Variants in CDH13 observed in about 807,000 individuals in gnomAD.
CDH13 encodes the protein cadherin-13.
CDH13 carries 24 observed loss-of-function variants against 63.8 expected under a neutral mutation model. That is an observed-to-expected ratio of 0.38 (90% CI 0.27 to 0.53). CDH13 has a LOEUF of 0.53. Among genes scored for constraint, CDH13 ranks in the 20% least tolerant of loss-of-function variants. The pLI is 0.85. For missense variants in CDH13, 1,049 were observed against 903.1 expected (o/e 1.16, Z -2.07); for synonymous variants, 503 against 355.3 (o/e 1.42, Z -4.67).
intron 4 of CDH13, among the ~76,000 whole-genome samples, chr16:83,152,257 A>G (rs2037013982): frequency 6.6e-6 from 1 of 152,216 alleles, no homozygotes; most frequent in East Asian, 1.9e-4. Context: ...CTTGAAAACC[A>G]CCTAAATGAT....
intron 2 of CDH13, among the ~76,000 whole-genome samples, chr16:82,913,451 C>G (rs565275395): frequency 2.6e-4 from 40 of 152,134 alleles, no homozygotes; most frequent in Non-Finnish European, 5.3e-4. Flanking sequence ...CCTCCTTACC[C>G]TGGACTGTAA....
chr16:83,144,966 CT>C (rs1362619403), intron 4 of CDH13, among the ~76,000 whole-genome samples: 1 of 152,210 alleles, frequency 6.6e-6, no homozygotes, highest in African/African-American at 2.4e-5. Flanking sequence ...CGATTTCACC[CT>C]TCTTAGCATC....
At chr16:83,443,717 A>T (rs1440597162) in intron 6 of CDH13, among the ~76,000 whole-genome samples, 1 of 99,012 alleles carries the variant, frequency 1.0e-5, no homozygotes. Context: ...AAAAAAAAAA[A>T]AAAAAAAAAA....
chr16:83,041,604 C>T (rs1453354770), intron 3 of CDH13, among the ~76,000 whole-genome samples: 1 of 152,038 alleles, frequency 6.6e-6, no homozygotes, highest in Non-Finnish European at 1.5e-5. Flanking sequence ...TTGGTAAGTA[C>T]CTTGAGGAAA....
intron 7 of CDH13, among the ~76,000 whole-genome samples, chr16:83,596,881 CA>C (rs1444316801): frequency 2.0e-5 from 3 of 152,074 alleles, no homozygotes; most frequent in African/African-American, 7.2e-5. Flanking sequence ...GAAAAATCCC[CA>C]AATCATAACA....
chr16:82,792,770 G>T (rs115171641), intron 1 of CDH13, among the ~76,000 whole-genome samples: 42 of 152,316 alleles, frequency 2.8e-4, no homozygotes, highest in African/African-American at 9.9e-4. Flanking sequence ...ACCTCTGCTA[G>T]TTGAATGACT....
chr16:83,767,321 G>A (rs1250545349), intron 11 of CDH13, among the ~76,000 whole-genome samples: 1 of 152,156 alleles, frequency 6.6e-6, no homozygotes, highest in Non-Finnish European at 1.5e-5. Context: ...AATCATGGGG[G>A]CAGTTTTCCC....
At chr16:83,271,505 A>AC (rs1198038564) in intron 5 of CDH13, among the ~76,000 whole-genome samples, 69 of 142,802 alleles carry the variant, frequency 4.8e-4, no homozygotes, top group African/African-American at 1.7e-3. Context: ...TTATTTAAAA[A>AC]AAAACAAAAC....
intron 1 of CDH13, among the ~76,000 whole-genome samples, chr16:82,757,514 G>T (rs2034655781): frequency 6.6e-6 from 1 of 152,180 alleles, no homozygotes; most frequent in Non-Finnish European, 1.5e-5. Flanking sequence ...TAGCTGCTCT[G>T]CCCAGAGGGC....
chr16:83,339,285 G>T (rs2090670114), intron 5 of CDH13, among the ~76,000 whole-genome samples: 1 of 152,126 alleles, frequency 6.6e-6, no homozygotes, highest in South Asian at 2.1e-4. Flanking sequence ...AATATTTAGA[G>T]CAAAATGATA....
chr16:82,950,924 C>G (rs1018431430), intron 2 of CDH13, among the ~76,000 whole-genome samples: 1 of 151,496 alleles, frequency 6.6e-6, no homozygotes, highest in Admixed American at 6.6e-5. Context: ...GGAAACCAAA[C>G]CTGTCTGGGC....
chr16:83,547,764 C>G lies in CDH13; in HGVS notation c.961-54690C>G, dbSNP rs181017558. Among the ~76,000 whole-genome samples, 333 of 152,186 alleles carry G rather than the reference C, an allele frequency of 2.2e-3. 1 individual carries two copies. The highest frequency in any genetic ancestry group is 6.4e-3 in the African/African-American group (266 of 41,512). ...TGAATAGTGCTGCAGTGAACATATG[C>G]GTGCATGGGTCTTTGTGGTAGAATG... On this transcript the variant is annotated intron_variant, in intron 7 of 13. Coordinates refer to ENST00000567109, the MANE Select transcript of CDH13 (RefSeq NM_001257.5).
chr16:82,800,488 G>C (rs921981727), intron 1 of CDH13, among the ~76,000 whole-genome samples: 1 of 152,106 alleles, frequency 6.6e-6, no homozygotes, highest in Non-Finnish European at 1.5e-5. Context: ...TAGAAGGCCC[G>C]TTAACCTCCC....
chr16:83,619,030 A>G (rs1252641077), intron 8 of CDH13, among the ~76,000 whole-genome samples: 1 of 152,228 alleles, frequency 6.6e-6, no homozygotes, highest in Non-Finnish European at 1.5e-5. Context: ...TCTGAAAGAC[A>G]GGATTTTATG....
chr16:83,079,944 T>G (rs1267334710), intron 3 of CDH13, among the ~76,000 whole-genome samples: 1 of 152,254 alleles, frequency 6.6e-6, no homozygotes, highest in Non-Finnish European at 1.5e-5. Flanking sequence ...TGGATAAAGT[T>G]GAGTCGCACA....
chr16:83,276,971 G>C (rs2089009536), intron 5 of CDH13, among the ~76,000 whole-genome samples: 1 of 152,124 alleles, frequency 6.6e-6, no homozygotes, highest in Non-Finnish European at 1.5e-5. Flanking sequence ...TAGATCTCAT[G>C]AGACTTACAA....
At chr16:82,734,330 A>C (rs74526276) in intron 1 of CDH13, among the ~76,000 whole-genome samples, 3,029 of 152,316 alleles carry the variant, frequency 0.02, 74 homozygotes, top group South Asian at 0.081. Flanking sequence ...TTATAGAAAA[A>C]AAAAATGTGT....
intron 1 of CDH13, among the ~76,000 whole-genome samples, chr16:82,730,919 A>G (rs1169529045): frequency 1.3e-5 from 2 of 152,236 alleles, no homozygotes; most frequent in South Asian, 4.1e-4. Context: ...AAGTTATATT[A>G]AAAGAAGGGT....
intron 10 of CDH13, among the ~76,000 whole-genome samples, chr16:83,718,828 A>G (rs1451352955): frequency 1.3e-5 from 2 of 152,194 alleles, no homozygotes; most frequent in Non-Finnish European, 2.9e-5. Flanking sequence ...CTATTCTTCT[A>G]TGACCACCCT....
Sources: allele counts gnomAD v4.1 joint callset (sites outside exome capture counted in the v4.1 genomes callset), GRCh38; gene constraint gnomAD v4.1.1; transcripts MANE v1.5; gene names NCBI Gene and HGNC (gene_info 2026-07-23, HGNC 2026-07-21).